The following NUBPL variants were observed in gnomAD, a reference collection of about 807,000 sequenced individuals.
NUBPL encodes the protein iron-sulfur cluster transfer protein NUBPL.
Under a neutral mutation model 45.7 loss-of-function variants are expected in NUBPL, and 31 were observed. The ratio of observed to expected loss-of-function variants is 0.68; its 90% CI spans 0.51 to 0.92. The LOEUF (loss-of-function observed/expected upper bound fraction) is 0.92. Ranked by LOEUF, NUBPL falls within the 40% of genes least tolerant of loss-of-function variation. NUBPL has a pLI of 0.00. For missense variants in NUBPL, 401 were observed against 398.7 expected (o/e 1.01, Z -0.05); for synonymous variants, 144 against 140.9 (o/e 1.02, Z -0.15).
chr14:31,581,277 G>C (rs1278860885), intron 3 of NUBPL, among the ~76,000 whole-genome samples: 1 of 146,816 alleles, frequency 6.8e-6, no homozygotes, highest in East Asian at 2.0e-4. Context: ...TTTAAAGTGT[G>C]CAATTCAGTG....
intron 4 of NUBPL, among the ~76,000 whole-genome samples, chr14:31,637,051 C>G (rs2035525145): frequency 1.3e-5 from 2 of 152,136 alleles, no homozygotes; most frequent in Admixed American, 1.3e-4. Flanking sequence ...CTCCTGGATT[C>G]ATTAATTTTT....
intron 6 of NUBPL, among the ~76,000 whole-genome samples, chr14:31,760,185 G>T (rs1175756424): frequency 6.8e-6 from 1 of 147,772 alleles, no homozygotes; most frequent in Admixed American, 6.8e-5. Flanking sequence ...GAGAGAGACA[G>T]GGTGTCACTT....
chr14:31,846,390 G>A (rs1236909031), intron 8 of NUBPL, 81 bp from the exon 9 acceptor site: 6 of 1,124,478 alleles, frequency 5.3e-6, no homozygotes, highest in Non-Finnish European at 7.9e-6. Context: ...GAACTCAGTA[G>A]GCACTCTGTA....
At chr14:31,737,248 T>A (rs2038185158) in intron 6 of NUBPL, among the ~76,000 whole-genome samples, 1 of 152,234 alleles carries the variant, frequency 6.6e-6, no homozygotes, top group Non-Finnish European at 1.5e-5. Context: ...TGTTTTCTTC[T>A]AGAAGCTTGA....
intron 7 of NUBPL, among the ~76,000 whole-genome samples, chr14:31,819,922 C>T (rs948249440): frequency 3.0e-4 from 45 of 151,936 alleles, no homozygotes; most frequent in African/African-American, 8.0e-4. Flanking sequence ...GGGCGGATCA[C>T]GAGGTCAGGA....
At chr14:31,668,981 A>G (rs1212476511) in intron 4 of NUBPL, among the ~76,000 whole-genome samples, 4 of 152,004 alleles carry the variant, frequency 2.6e-5, no homozygotes, top group African/African-American at 9.7e-5. Flanking sequence ...AACTGTTCCT[A>G]TTTGCCCATC....
At chr14:31,722,481 G>T (rs1044131831) in intron 6 of NUBPL, among the ~76,000 whole-genome samples, 2 of 152,120 alleles carry the variant, frequency 1.3e-5, no homozygotes, top group Admixed American at 6.5e-5. Context: ...TGGGTCAAAT[G>T]GTGCTTCTGT....
At chr14:31,762,819 C>T (rs973365123) in intron 6 of NUBPL, among the ~76,000 whole-genome samples, 1 of 151,690 alleles carries the variant, frequency 6.6e-6, no homozygotes, top group African/African-American at 2.4e-5. Flanking sequence ...TTTACATTTG[C>T]ACATCTGATT....
chr14:31,838,933 A>G (rs1226358368), intron 8 of NUBPL, among the ~76,000 whole-genome samples: 2 of 152,166 alleles, frequency 1.3e-5, no homozygotes, highest in African/African-American at 4.8e-5. Flanking sequence ...CTACCATTTT[A>G]GAGCTTCTAT....
chr14:31,677,001 A>G (rs1360160643), intron 6 of NUBPL, among the ~76,000 whole-genome samples: 1 of 151,892 alleles, frequency 6.6e-6, no homozygotes, highest in Non-Finnish European at 1.5e-5. Flanking sequence ...TATAATGATA[A>G]GAATGTATTT....
At chr14:31,799,947 C>G (rs1455086137) in intron 7 of NUBPL, among the ~76,000 whole-genome samples, 3 of 152,226 alleles carry the variant, frequency 2.0e-5, no homozygotes, top group Non-Finnish European at 4.4e-5. Context: ...TCAGTCTTCT[C>G]AAGCCATGCT....
intron 3 of NUBPL, among the ~76,000 whole-genome samples, chr14:31,598,187 C>A (rs2034333542): frequency 6.6e-6 from 1 of 151,996 alleles, no homozygotes; most frequent in South Asian, 2.1e-4. Context: ...ATTTAAACTG[C>A]AGTTTTAGTC....
chr14:31,618,904 A>G (rs144871090), intron 4 of NUBPL, among the ~76,000 whole-genome samples: 7 of 152,264 alleles, frequency 4.6e-5, no homozygotes, highest in Admixed American at 1.3e-4. Flanking sequence ...GTGTCCCACT[A>G]TTATTGTGTG....
intron 6 of NUBPL, among the ~76,000 whole-genome samples, chr14:31,753,371 C>T (rs2038575951): frequency 6.6e-6 from 1 of 151,972 alleles, no homozygotes; most frequent in Admixed American, 6.6e-5. Context: ...GGGTGCTGGC[C>T]CACCATTCCT....
chr14:31,692,488 A>T (rs1385645203), intron 6 of NUBPL, among the ~76,000 whole-genome samples: 1 of 152,210 alleles, frequency 6.6e-6, no homozygotes, highest in East Asian at 1.9e-4. Flanking sequence ...GAGACCAGGG[A>T]TTTTGGCAGC....
At chr14:31,588,899 G>A (rs894093103) in intron 3 of NUBPL, among the ~76,000 whole-genome samples, 4 of 131,836 alleles carry the variant, frequency 3.0e-5, no homozygotes, top group Non-Finnish European at 4.9e-5. Context: ...GGGCAACAGA[G>A]TGAGACTCCG....
At chr14:31,729,269 G>A (rs1247415363) in intron 6 of NUBPL, among the ~76,000 whole-genome samples, 1 of 101,976 alleles carries the variant, frequency 9.8e-6, no homozygotes, top group Middle Eastern at 5.3e-3. Context: ...ACAGAGAGAT[G>A]CTCCATCCCC....
At chr14:31,819,997 G>A (rs138782217) in intron 7 of NUBPL, among the ~76,000 whole-genome samples, 1 of 151,978 alleles carries the variant, frequency 6.6e-6, no homozygotes. Context: ...AAAATTACCT[G>A]GGCATGGTGG....
At chr14:31,568,252 C>T (rs2033490548) in intron 3 of NUBPL, among the ~76,000 whole-genome samples, 1 of 151,958 alleles carries the variant, frequency 6.6e-6, no homozygotes, top group African/African-American at 2.4e-5. Flanking sequence ...GTTATCATTG[C>T]AGCCAAAGCT....
Sources: gnomAD v4.1 joint callset for allele counts (sites outside exome capture counted in the v4.1 genomes callset) on GRCh38, gnomAD v4.1.1 for gene constraint, MANE v1.5 for transcripts, NCBI Gene and HGNC (gene_info 2026-07-23, HGNC 2026-07-21) for gene names.